Variants in ANKRD45 observed in about 807,000 individuals in gnomAD.
ANKRD45 encodes the protein ankyrin repeat domain 45, also known as ankyrin repeat domain-containing protein 45.
ANKRD45 carries 21 observed loss-of-function variants against 28.1 expected under a neutral mutation model. The observed-to-expected ratio is 0.75, with a 90% CI of 0.53 to 1.08. The LOEUF (loss-of-function observed/expected upper bound fraction) is 1.08, where lower values mean the gene tolerates loss of function less well. ANKRD45 is among the 50% of genes least tolerant of loss of function. ANKRD45 has a pLI of 0.00. For synonymous variants in ANKRD45, 86 were observed against 103.9 expected, an observed-to-expected ratio of 0.83 and a Z score of 1.05; for missense variants, 261 against 308.7, an observed-to-expected ratio of 0.85 and a Z score of 1.16.
intron 3 of ANKRD45, chr1:173,637,068 T>A (rs12067170): frequency 0.31 from 421,217 of 1,346,764 alleles, 75,865 homozygotes; most frequent in African/African-American, 0.75. Flanking sequence ...GCTTAGTCAA[T>A]TATAGATATC....
the ANKRD45 span, among the ~76,000 whole-genome samples, chr1:173,701,832 T>C: frequency 6.6e-6 from 1 of 152,004 alleles, no homozygotes; most frequent in Non-Finnish European, 1.5e-5. Flanking sequence ...TAAATAAAAA[T>C]TTAAAAATTA....
chr1:173,638,781 G>A (rs1668574554), intron 3 of ANKRD45, among the ~76,000 whole-genome samples: 1 of 152,148 alleles, frequency 6.6e-6, no homozygotes, highest in Admixed American at 6.5e-5. Flanking sequence ...GCTAGAAAAA[G>A]ATGATTTACC....
At chr1:173,703,497 C>T in the ANKRD45 span, among the ~76,000 whole-genome samples, 751 of 152,254 alleles carry the variant, frequency 4.9e-3, 28 homozygotes, top group Admixed American at 0.044. Context: ...TCAATCACCG[C>T]GCCCGATATC....
the ANKRD45 span, among the ~76,000 whole-genome samples, chr1:173,694,389 C>G: frequency 6.6e-6 from 1 of 151,906 alleles, no homozygotes; most frequent in South Asian, 2.1e-4. Context: ...GTCTCAAATT[C>G]CTGACCTCAG....
Position 173,658,983 on chromosome 1 carries a change from T to C in ANKRD45, c.328+108A>G, listed in dbSNP as rs1445135541. 2.8e-6 allele frequency: 4 copies of C among 1,434,478 alleles called. No homozygotes were observed. In the African/African-American group the frequency reaches 5.8e-5, roughly 21 times the overall value. 88.9% of individuals were successfully genotyped at this position (1,434,478 alleles called of 1,614,324 possible). Reference sequence around the variant, plus strand: ...ACCCATATAGATGTATATACACATATATGTAAAGTATAAAACAGGCACATC... The same window carrying C: ...ACCCATATAGATGTATATACACATACATGTAAAGTATAAAACAGGCACATC... On this transcript the variant is annotated intron_variant, in intron 2 of 5. Coordinates refer to ENST00000333279, the MANE Select transcript of ANKRD45 (RefSeq NM_198493.3).
intron 3 of ANKRD45, among the ~76,000 whole-genome samples, chr1:173,629,142 G>T (rs780063510): frequency 6.6e-6 from 1 of 152,160 alleles, no homozygotes; most frequent in Non-Finnish European, 1.5e-5. Flanking sequence ...CAACATCCAA[G>T]TCCCTTCAAA....
chr1:173,635,338 A>G, intron 3 of ANKRD45: 1 of 562,612 alleles, frequency 1.8e-6, no homozygotes, highest in East Asian at 2.9e-5. Context: ...TTTGCTGGGC[A>G]TATTTTGCTG....
intron 3 of ANKRD45, among the ~76,000 whole-genome samples, chr1:173,642,808 T>C (rs1241197461): frequency 1.3e-5 from 2 of 152,178 alleles, no homozygotes; most frequent in Non-Finnish European, 2.9e-5. Context: ...TGCTAGCCAA[T>C]CAGGTTGAGT....
chr1:173,672,955 A>T (rs968857909), upstream of ANKRD45, among the ~76,000 whole-genome samples: 4 of 152,170 alleles, frequency 2.6e-5, no homozygotes, highest in African/African-American at 9.7e-5. Context: ...TAAGCAGCAA[A>T]TGATTAAGCA....
chr1:173,639,733 C>T (rs1173693608), intron 3 of ANKRD45, among the ~76,000 whole-genome samples: 2 of 152,190 alleles, frequency 1.3e-5, no homozygotes, highest in Non-Finnish European at 2.9e-5. Flanking sequence ...GAAATGACTC[C>T]AATCGTTTGC....
In ANKRD45 at chr1:173,627,124, CTT is replaced by C; in HGVS notation, c.530_531del (p.Lys177SerfsTer7). On this transcript the variant is annotated frameshift_variant, in exon 4 of 6. Coordinates refer to ENST00000333279, the MANE Select transcript of ANKRD45 (RefSeq NM_198493.3). LOFTEE classifies it high-confidence loss of function. The stretch of plus-strand genomic sequence containing the variant: ...TCTGTGTCAGTAACAGCTAAAGAGA[CTT>C]TTGCAATATATTTTTTCAGAGTCAG... ...ARLTLKKYIA[K>X]VSLAVTDTEK... 6.2e-7 allele frequency: 1 copy of C among 1,612,994 alleles called. No homozygotes were observed. Among genetic ancestry groups the C allele is most frequent in the Non-Finnish European group, 8.5e-7 (1 of 1,179,674 alleles).
chr1:173,631,460 C>T (rs1273285206), intron 3 of ANKRD45, among the ~76,000 whole-genome samples: 5 of 152,036 alleles, frequency 3.3e-5, no homozygotes, highest in Admixed American at 6.6e-5. Context: ...AAACATCGGA[C>T]TTAATCTACA....
At chr1:173,641,650 T>C (rs1558132046) in intron 3 of ANKRD45, among the ~76,000 whole-genome samples, 5 of 152,172 alleles carry the variant, frequency 3.3e-5, no homozygotes, top group Admixed American at 2.0e-4. Context: ...TCTAATCCAA[T>C]TGACTATCCC....
chr1:173,676,553 C>A, the ANKRD45 span, among the ~76,000 whole-genome samples: 1 of 151,944 alleles, frequency 6.6e-6, no homozygotes, highest in East Asian at 1.9e-4. Flanking sequence ...TCAAATGTTA[C>A]AATCTCCAAA....
At chr1:173,651,236 T>G (rs754643594) in intron 2 of ANKRD45, among the ~76,000 whole-genome samples, 10 of 152,248 alleles carry the variant, frequency 6.6e-5, no homozygotes, top group Non-Finnish European at 8.8e-5. Flanking sequence ...GTCTAACATT[T>G]AAATCTTTAA....
At chr1:173,664,825 T>C (rs1294676543) in intron 1 of ANKRD45, among the ~76,000 whole-genome samples, 2 of 152,210 alleles carry the variant, frequency 1.3e-5, no homozygotes, top group East Asian at 3.8e-4. Flanking sequence ...ATTCAATAAC[T>C]CTTAAAGTCA....
intron 2 of ANKRD45, among the ~76,000 whole-genome samples, chr1:173,648,539 C>T (rs970100249): frequency 6.6e-6 from 1 of 152,156 alleles, no homozygotes; most frequent in Non-Finnish European, 1.5e-5. Flanking sequence ...TTATTTTTCC[C>T]CTGGTATTTT....
At position 173,666,555 on chromosome 1, in the gene ANKRD45, C is replaced by T. The variant is rs556014418; in HGVS notation, c.-16+3262G>A. Among the ~76,000 whole-genome samples, 5 of 152,086 alleles carry T rather than the reference C, an allele frequency of 3.3e-5. No individual in the cohort carries two copies. The South Asian group carries it at 1.0e-3, about 32-fold the overall frequency. ...TATAATACCTAATACGATGTAAATG[C>T]TATGTAAATAGTTGTTATACTGTAT... On this transcript the variant is annotated intron_variant, in intron 1 of 5. Coordinates refer to ENST00000333279, the MANE Select transcript of ANKRD45 (RefSeq NM_198493.3).
At chr1:173,620,201 A>C (rs908804799) in intron 5 of ANKRD45, among the ~76,000 whole-genome samples, 2 of 152,182 alleles carry the variant, frequency 1.3e-5, no homozygotes, top group Admixed American at 6.5e-5. Context: ...TCACATATGC[A>C]GAAGTAAAAC....
Sources: gnomAD v4.1 joint callset for allele counts (sites outside exome capture counted in the v4.1 genomes callset) on GRCh38, gnomAD v4.1.1 for gene constraint, MANE v1.5 for transcripts, NCBI Gene and HGNC (gene_info 2026-07-23, HGNC 2026-07-21) for gene names.